Variants in SOX5 observed in about 807,000 individuals in gnomAD.
SOX5 encodes the protein SRY-box transcription factor 5.
Under a neutral mutation model 92.0 loss-of-function variants are expected in SOX5, and 9 were observed. The observed-to-expected ratio is 0.10, with a 90% CI of 0.06 to 0.17. The LOEUF is 0.17. SOX5 is among the 10% of genes least tolerant of loss of function. The pLI is 1.00. For synonymous variants in SOX5, 344 were observed against 336.3 expected, an observed-to-expected ratio of 1.02 and a Z score of -0.25; for missense variants, 642 against 944.5, an observed-to-expected ratio of 0.68 and a Z score of 4.20.
At chr12:23,850,439 T>TAAAAAAAAAAA (rs1568330954) in intron 2 of SOX5, among the ~76,000 whole-genome samples, 1 of 85,616 alleles carries the variant, frequency 1.2e-5, no homozygotes, top group Non-Finnish European at 2.5e-5. Context: ...AAAAAAAAAA[T>TAAAAAAAAAAA]AAATAAATAA....
chr12:24,115,379 A>G (rs1299048769), intron 4 of SOX5, among the ~76,000 whole-genome samples: 1 of 152,212 alleles, frequency 6.6e-6, no homozygotes, highest in Non-Finnish European at 1.5e-5. Flanking sequence ...TTCGAGCAGA[A>G]TGAAATCATT....
intron 4 of SOX5, among the ~76,000 whole-genome samples, chr12:24,103,596 T>C (rs1157954927): frequency 6.6e-6 from 1 of 152,238 alleles, no homozygotes; most frequent in African/African-American, 2.4e-5. Flanking sequence ...CCTCAAGTGA[T>C]CCTCACGCCT....
chr12:24,054,716 A>G (rs1957926237), intron 4 of SOX5, among the ~76,000 whole-genome samples: 1 of 152,248 alleles, frequency 6.6e-6, no homozygotes, highest in Non-Finnish European at 1.5e-5. Flanking sequence ...AAGTGGAAAG[A>G]TGAATGCAAA....
In SOX5 at chr12:23,530,801, G is replaced by GTA. The variant is rs1214611818; in HGVS notation, c.*3417_*3418insTA. ...ATTATTTCTCAGTGTTGGGGCAAGTGTGTGTGTGTGTGTGTGTGCGCGCGC... is the reference window on the plus strand; with the variant it reads ...ATTATTTCTCAGTGTTGGGGCAAGTGTATGTGTGTGTGTGTGTGTGCGCGCGC... On this transcript the variant is annotated 3_prime_UTR_variant, in exon 15 of 15. Coordinates refer to ENST00000451604, the MANE Select transcript of SOX5 (RefSeq NM_006940.6). 2 of 136,334 alleles carry GTA rather than the reference G, an allele frequency of 1.5e-5. No individual in the cohort carries two copies. Among genetic ancestry groups the GTA allele is most frequent in the African/African-American group, 2.6e-5 (1 of 37,930 alleles). 8.4% of individuals were successfully genotyped at this position (136,334 alleles called of 1,614,324 possible).
chr12:23,582,738 T>C (rs748226309), intron 9 of SOX5, among the ~76,000 whole-genome samples: 15 of 152,146 alleles, frequency 9.9e-5, no homozygotes, highest in Non-Finnish European at 1.9e-4. Context: ...AGCATCTCAT[T>C]TGGCTTCCTT....
intron 6 of SOX5, among the ~76,000 whole-genome samples, chr12:23,702,362 C>G (rs1243869863): frequency 6.6e-6 from 1 of 151,968 alleles, no homozygotes; most frequent in Non-Finnish European, 1.5e-5. Context: ...AAATTATCAG[C>G]TAAAAGGTCA....
At chr12:23,771,504 G>A (rs556171880) in intron 3 of SOX5, among the ~76,000 whole-genome samples, 22 of 152,250 alleles carry the variant, frequency 1.4e-4, no homozygotes, top group East Asian at 3.9e-4. Context: ...AACAAGGGTC[G>A]GGATTGAATA....
At chr12:24,398,903 G>A (rs1440233601) in intron 1 of SOX5, among the ~76,000 whole-genome samples, 3 of 152,088 alleles carry the variant, frequency 2.0e-5, no homozygotes, top group East Asian at 1.9e-4. Context: ...CCATGACCTC[G>A]GGCTCCACAC....
chr12:24,178,578 A>G (rs556566250), intron 4 of SOX5, among the ~76,000 whole-genome samples: 1 of 152,330 alleles, frequency 6.6e-6, no homozygotes, highest in East Asian at 1.9e-4. Context: ...AAAGTTGGCA[A>G]TTACTTCAAA....
intron 4 of SOX5, among the ~76,000 whole-genome samples, chr12:24,180,742 T>G (rs900046021): frequency 6.6e-6 from 1 of 152,206 alleles, no homozygotes; most frequent in African/African-American, 2.4e-5. Flanking sequence ...TCACAAAATA[T>G]ATTCAAAATT....
chr12:24,038,731 G>A (rs913579494), intron 4 of SOX5, among the ~76,000 whole-genome samples: 6 of 152,042 alleles, frequency 3.9e-5, no homozygotes, highest in Admixed American at 2.0e-4. Context: ...TTTCAACTTC[G>A]TATTATTCAC....
At chr12:23,701,354 AT>A (rs139495125) in intron 6 of SOX5, among the ~76,000 whole-genome samples, 5,617 of 149,984 alleles carry the variant, frequency 0.037, 321 homozygotes, top group African/African-American at 0.13. Context: ...GTTTCTTGAA[AT>A]TTTTTTTTTA....
At chr12:24,000,813 G>A (rs1384238093) in intron 4 of SOX5, among the ~76,000 whole-genome samples, 4 of 152,024 alleles carry the variant, frequency 2.6e-5, no homozygotes, top group African/African-American at 4.8e-5. Context: ...TAAGAAATAC[G>A]CTTTGAAGAC....
At chr12:23,550,975 G>A (rs1056283240) in intron 11 of SOX5, among the ~76,000 whole-genome samples, 1 of 151,906 alleles carries the variant, frequency 6.6e-6, no homozygotes, top group African/African-American at 2.4e-5. Flanking sequence ...CCTGAAACTG[G>A]GATTCAGCTA....
intron 2 of SOX5, among the ~76,000 whole-genome samples, chr12:24,326,420 T>C (rs188082710): frequency 6.0e-5 from 9 of 149,108 alleles, no homozygotes; most frequent in Admixed American, 4.8e-4. Flanking sequence ...TTAACAAACC[T>C]TTATGACTCT....
intron 2 of SOX5, among the ~76,000 whole-genome samples, chr12:23,882,859 C>T (rs1332540523): frequency 2.0e-5 from 3 of 152,080 alleles, no homozygotes; most frequent in Admixed American, 6.5e-5. Flanking sequence ...GAAATACTTG[C>T]TGTGTGTCAG....
chr12:24,217,329 ATAGT>A (rs1247779889), intron 3 of SOX5, among the ~76,000 whole-genome samples: 2 of 152,234 alleles, frequency 1.3e-5, no homozygotes, highest in East Asian at 1.9e-4. Flanking sequence ...TTAACTGCAA[ATAGT>A]TAGCGTCAGA....
At chr12:24,314,811 C>G (rs181295068) in intron 2 of SOX5, among the ~76,000 whole-genome samples, 1 of 152,326 alleles carries the variant, frequency 6.6e-6, no homozygotes, top group Non-Finnish European at 1.5e-5. Flanking sequence ...TGCCATCCAC[C>G]ATGAAGGCAG....
chr12:23,744,742 T>C (rs1317962688), intron 4 of SOX5, among the ~76,000 whole-genome samples: 1 of 152,170 alleles, frequency 6.6e-6, no homozygotes, highest in Non-Finnish European at 1.5e-5. Context: ...ATAACACAGA[T>C]TTAAGCATAT....
Sources: allele counts gnomAD v4.1 joint callset (sites outside exome capture counted in the v4.1 genomes callset), GRCh38; gene constraint gnomAD v4.1.1; transcripts MANE v1.5; gene names NCBI Gene and HGNC (gene_info 2026-07-23, HGNC 2026-07-21).